The following LRP1B variants were observed in gnomAD, a reference collection of about 807,000 sequenced individuals.
The protein encoded by LRP1B is LDL receptor related protein 1B.
In LRP1B, 217 loss-of-function variants were observed where a neutral mutation model predicts 556.6. The ratio of observed to expected loss-of-function variants is 0.39; its 90% CI spans 0.35 to 0.44. The LOEUF (loss-of-function observed/expected upper bound fraction) is 0.44, where lower values mean the gene tolerates loss of function less well. Ranked by LOEUF, LRP1B falls within the 20% of genes least tolerant of loss-of-function variation. LRP1B has a pLI of 1.00. For missense variants in LRP1B, 5,053 were observed against 5,620.8 expected (o/e 0.90, Z 3.23); for synonymous variants, 2,047 against 1,865.8 (o/e 1.10, Z -2.50).
rs3033314 is a variant in LRP1B, at chr2:140,264,702, A to ATG, written c.13247+5538_13247+5539dup. On this transcript the variant is annotated intron_variant, in intron 86 of 90. Transcript: ENST00000389484. ...TGACAAAAAAAAAAATTGTCTATAT[A>ATG]TGTGTGTGTGTGTGTGTGTGTGTGT... 1.8e-3 allele frequency among the ~76,000 whole-genome samples: 261 copies of ATG among 148,958 alleles called. 1 individual carries two copies. Among genetic ancestry groups the ATG allele is most frequent in the African/African-American group, 4.2e-3 (168 of 40,010 alleles).
chr2:140,375,705 G>A (rs1176534100), intron 68 of LRP1B, among the ~76,000 whole-genome samples: 1 of 151,982 alleles, frequency 6.6e-6, no homozygotes, highest in Non-Finnish European at 1.5e-5. Context: ...TATTAACAAT[G>A]TCTATGGATG....
rs1701930109 is a variant in LRP1B, at chr2:141,977,874, GCCTAACTTA to G, written c.82+152765_82+152773del. Among the ~76,000 whole-genome samples, 4 of 152,072 alleles carry G rather than the reference GCCTAACTTA, an allele frequency of 2.6e-5. No individual in the cohort carries two copies. In the South Asian group the frequency reaches 8.3e-4, roughly 32 times the overall value. On this transcript the variant is annotated intron_variant, in intron 1 of 90. Coordinates refer to ENST00000389484, the MANE Select transcript of LRP1B (RefSeq NM_018557.3). ...TTTCTATTCTCTGTGGTTCATACAA[GCCTAACTTA>G]AAATATCCATTATTCCTATTATTCT...
Position 140,536,708 on chromosome 2 carries a change from AGCTG to A in LRP1B, c.7514-3_7514del. 1 of 1,585,004 alleles carries A rather than the reference AGCTG, an allele frequency of 6.3e-7. No individual in the cohort carries two copies. Among genetic ancestry groups the A allele is most frequent in the Admixed American group, 1.9e-5 (1 of 52,744 alleles). ...AATAAGCGTTGCAGGAGGAATTTTT[AGCTG>A]CAAGAAAAAAAAAAAAAGTCAATAC... is the stretch of plus-strand genomic sequence containing the variant. On this transcript the variant is annotated splice_acceptor_variant and splice_polypyrimidine_tract_variant and coding_sequence_variant and intron_variant, in exon 46 of 91. Transcript: ENST00000389484. LOFTEE classifies it high-confidence loss of function.
intron 1 of LRP1B, among the ~76,000 whole-genome samples, chr2:141,843,884 C>T (rs1050199110): frequency 1.3e-5 from 2 of 152,100 alleles, no homozygotes; most frequent in Admixed American, 6.6e-5. Context: ...ATGCTCTTCA[C>T]CTCATTTACC....
intron 60 of LRP1B, among the ~76,000 whole-genome samples, chr2:140,471,306 G>A (rs1372103649): frequency 2.0e-5 from 3 of 152,024 alleles, no homozygotes; most frequent in Non-Finnish European, 2.9e-5. Context: ...GTTTAAATAC[G>A]TCTTTAGAAT....
At chr2:140,996,167 T>A (rs1173705574) in intron 15 of LRP1B, among the ~76,000 whole-genome samples, 1 of 152,016 alleles carries the variant, frequency 6.6e-6, no homozygotes, top group East Asian at 1.9e-4. Context: ...TAAGAATTTT[T>A]CTTTTTATTC....
chr2:141,035,726 C>T (rs746951398), intron 11 of LRP1B, among the ~76,000 whole-genome samples: 10 of 151,924 alleles, frequency 6.6e-5, no homozygotes, highest in Non-Finnish European at 8.8e-5. Flanking sequence ...GTGAAAACTC[C>T]CACTGCTACT....
chr2:141,877,421 G>A (rs776445783), intron 1 of LRP1B, among the ~76,000 whole-genome samples: 9 of 151,890 alleles, frequency 5.9e-5, no homozygotes, highest in Non-Finnish European at 1.0e-4. Context: ...AATGGGTAAA[G>A]GTCATATGTG....
intron 23 of LRP1B, among the ~76,000 whole-genome samples, chr2:140,897,627 C>T (rs1420752028): frequency 6.6e-6 from 1 of 152,158 alleles, no homozygotes; most frequent in Non-Finnish European, 1.5e-5. Context: ...GTTGCCAGCA[C>T]AGCTAGGATA....
chr2:141,157,741 T>G (rs1313457128), intron 7 of LRP1B, among the ~76,000 whole-genome samples: 1 of 152,304 alleles, frequency 6.6e-6, no homozygotes, highest in South Asian at 2.1e-4. Context: ...TTATCATTTG[T>G]TTAACATCGC....
At chr2:140,477,861 C>T (rs920781074) in intron 59 of LRP1B, among the ~76,000 whole-genome samples, 1 of 152,090 alleles carries the variant, frequency 6.6e-6, no homozygotes, top group African/African-American at 2.4e-5. Flanking sequence ...CCAAATATAC[C>T]TCTCCAAATT....
chr2:141,711,300 T>C (rs533320043), intron 2 of LRP1B, among the ~76,000 whole-genome samples: 1 of 152,296 alleles, frequency 6.6e-6, no homozygotes, highest in Non-Finnish European at 1.5e-5. Flanking sequence ...CCAGGGAATA[T>C]TGGAATTCGA....
intron 54 of LRP1B, among the ~76,000 whole-genome samples, chr2:140,502,508 T>C (rs1207784390): frequency 6.6e-6 from 1 of 151,960 alleles, no homozygotes; most frequent in Admixed American, 6.6e-5. Context: ...TATTTAGCAT[T>C]TGGAATAGAG....
intron 2 of LRP1B, among the ~76,000 whole-genome samples, chr2:141,509,364 C>A (rs1032973760): frequency 6.6e-6 from 1 of 152,104 alleles, no homozygotes; most frequent in Admixed American, 6.6e-5. Flanking sequence ...TGCTACTGAG[C>A]CTGTCTGGTA....
chr2:141,981,450 C>A (rs562996718), intron 1 of LRP1B, among the ~76,000 whole-genome samples: 1 of 152,068 alleles, frequency 6.6e-6, no homozygotes, highest in South Asian at 2.1e-4. Flanking sequence ...ATATGAGGCA[C>A]AAGAGAGAGA....
At chr2:140,300,098 G>A (rs1683756406) in intron 83 of LRP1B, among the ~76,000 whole-genome samples, 1 of 152,120 alleles carries the variant, frequency 6.6e-6, no homozygotes, top group Non-Finnish European at 1.5e-5. Context: ...CTCATTTACA[G>A]CTGTTTTGAA....
intron 20 of LRP1B, among the ~76,000 whole-genome samples, chr2:140,926,056 C>CTTTTTTTTTTTTTTTTT (rs70991119): frequency 2.3e-5 from 2 of 86,014 alleles, no homozygotes; most frequent in African/African-American, 6.4e-5. Flanking sequence ...TGGAGATTTT[C>CTTTTTTTTTTTTTTTTT]TTTTTTTTTT....
intron 3 of LRP1B, among the ~76,000 whole-genome samples, chr2:141,423,795 G>C (rs1438297062): frequency 1.4e-5 from 2 of 147,014 alleles, no homozygotes; most frequent in African/African-American, 5.0e-5. Context: ...ATATACTACT[G>C]TTTTCATTAT....
At chr2:140,803,270 T>G (rs1455953254) in intron 32 of LRP1B, among the ~76,000 whole-genome samples, 2 of 131,464 alleles carry the variant, frequency 1.5e-5, no homozygotes, top group African/African-American at 3.1e-5. Context: ...GTTTTTTTTT[T>G]TTTTTTTTTT....
Sources: gnomAD v4.1 joint callset for allele counts (sites outside exome capture counted in the v4.1 genomes callset) on GRCh38, gnomAD v4.1.1 for gene constraint, MANE v1.5 for transcripts, NCBI Gene and HGNC (gene_info 2026-07-23, HGNC 2026-07-21) for gene names.